Variants in SNX8 observed in about 807,000 individuals in gnomAD.
SNX8 encodes the protein sorting nexin-8.
SNX8 carries 25 observed loss-of-function variants against 51.6 expected under a neutral mutation model. That is an observed-to-expected ratio of 0.48 (90% CI 0.35 to 0.68). SNX8 has a LOEUF of 0.68. Among genes scored for constraint, SNX8 ranks in the 30% least tolerant of loss-of-function variants. The pLI, the probability that SNX8 is intolerant of heterozygous loss-of-function variation, is 0.00. For synonymous variants in SNX8, 324 were observed against 277.0 expected, an observed-to-expected ratio of 1.17 and a Z score of -1.68; for missense variants, 695 against 624.0, an observed-to-expected ratio of 1.11 and a Z score of -1.21.
chr7:2,317,893 C>T (rs1256149481), upstream of SNX8, among the ~76,000 whole-genome samples: 1 of 152,158 alleles, frequency 6.6e-6, no homozygotes, highest in Non-Finnish European at 1.5e-5. Context: ...TTTCCCTAGG[C>T]ACAGTGGGAC....
intron 1 of SNX8, among the ~76,000 whole-genome samples, chr7:2,282,210 A>C (rs1272466632): frequency 6.6e-6 from 1 of 152,140 alleles, no homozygotes; most frequent in African/African-American, 2.4e-5. Context: ...CTACCCACTA[A>C]AACTCAGAAT....
At chr7:2,264,982 C>A (rs1795429626) in intron 5 of SNX8, among the ~76,000 whole-genome samples, 1 of 152,192 alleles carries the variant, frequency 6.6e-6, no homozygotes, top group South Asian at 2.1e-4. Flanking sequence ...TTGCAGTGAG[C>A]TGAGATCGCG....
At chr7:2,308,595 G>C (rs1167752659) in intron 1 of SNX8, among the ~76,000 whole-genome samples, 1 of 145,456 alleles carries the variant, frequency 6.9e-6, no homozygotes, top group African/African-American at 2.5e-5. Flanking sequence ...GAACCTAGGA[G>C]ATGGAGGTTG....
chr7:2,298,882 A>G (rs1023175498), intron 1 of SNX8, among the ~76,000 whole-genome samples: 7 of 143,096 alleles, frequency 4.9e-5, no homozygotes, highest in African/African-American at 1.9e-4. Context: ...TGGTAGAGAC[A>G]GGGTTTCGCC....
chr7:2,268,254 G>C (rs1341666156), intron 5 of SNX8, among the ~76,000 whole-genome samples: 1 of 144,054 alleles, frequency 6.9e-6, no homozygotes, highest in Non-Finnish European at 1.5e-5. Context: ...GAGGTGAGGA[G>C]CGTCTCTGCC....
chr7:2,264,552 A>AGCT (rs1361753625), intron 5 of SNX8, 94 bp from the exon 6 acceptor site: 1 of 1,301,862 alleles, frequency 7.7e-7, no homozygotes, highest in Non-Finnish European at 1.1e-6. Context: ...GAGCCACGGG[A>AGCT]GACACAGCAG....
chr7:2,302,183 G>A (rs1005954225), intron 1 of SNX8, among the ~76,000 whole-genome samples: 14 of 151,388 alleles, frequency 9.2e-5, no homozygotes, highest in Non-Finnish European at 1.3e-4. Flanking sequence ...CTGCCATCTC[G>A]GCTCACTGCA....
At chr7:2,295,592 C>CAAA (rs147853805) in intron 1 of SNX8, among the ~76,000 whole-genome samples, 13 of 93,554 alleles carry the variant, frequency 1.4e-4, no homozygotes, top group African/African-American at 4.3e-4. Flanking sequence ...GTAATCCCAG[C>CAAA]AAAAAAAAAA....
rs1171372675 is a variant in SNX8, at chr7:2,255,104, G to A, written c.1350C>T (p.Thr450=). 6.3e-7 allele frequency: 1 copy of A among 1,580,406 alleles called. No homozygotes were observed. The highest frequency in any genetic ancestry group is 1.7e-4 in the Middle Eastern group (1 of 6,000). Residue 450 remains threonine (T), a synonymous_variant, in exon 11 of 11, where the codon ACC becomes ACT. Coordinates refer to ENST00000222990, the MANE Select transcript of SNX8 (RefSeq NM_013321.4). ...CCGGCGGGGAGCACGGTGGGGTCAGGGTGCTGTGTGGTCCCGCAAAGAGGC... is the reference window on the plus strand; with the variant it reads ...CCGGCGGGGAGCACGGTGGGGTCAGAGTGCTGTGTGGTCCCGCAAAGAGGC... ...LSCLFAGPHS[T]LTPPCSPPED... is the part of the protein sequence containing the mutation.
At chr7:2,263,457 G>T in intron 6 of SNX8, 95 bp from the exon 7 acceptor site, 1 of 1,274,284 alleles carries the variant, frequency 7.8e-7, no homozygotes. Context: ...GTCCTCCACG[G>T]CAACCTGCGT....
At chr7:2,290,328 C>T (rs183274897) in intron 1 of SNX8, among the ~76,000 whole-genome samples, 1 of 152,138 alleles carries the variant, frequency 6.6e-6, no homozygotes, top group East Asian at 1.9e-4. Context: ...CAGTCAGACT[C>T]GGTCTCTACT....
chr7:2,261,574 CCCTGAGGT>C (rs989501949), intron 7 of SNX8, among the ~76,000 whole-genome samples: 2 of 152,210 alleles, frequency 1.3e-5, no homozygotes, highest in Non-Finnish European at 2.9e-5. Flanking sequence ...TAGGGCAGGG[CCCTGAGGT>C]CCTCTGTCTC....
chr7:2,331,700 G>A (rs929273173), intron 1 of SNX8, among the ~76,000 whole-genome samples: 6 of 128,984 alleles, frequency 4.7e-5, no homozygotes, highest in Non-Finnish European at 8.4e-5. Flanking sequence ...GTGACACTCC[G>A]TCTCAAAATA....
intron 3 of SNX8, among the ~76,000 whole-genome samples, chr7:2,273,517 C>T (rs889740600): frequency 1.3e-5 from 2 of 150,334 alleles, no homozygotes; most frequent in Non-Finnish European, 3.0e-5. Flanking sequence ...ACCCGGCAGG[C>T]GGAGCTTGCA....
intron 5 of SNX8, among the ~76,000 whole-genome samples, chr7:2,267,710 C>T (rs59648766): frequency 9.4e-5 from 14 of 149,158 alleles, no homozygotes; most frequent in South Asian, 8.7e-4. Context: ...AGTGCCGAGA[C>T]TGCAGCCTCT....
At position 2,278,133 on chromosome 7, in the gene SNX8, G is replaced by A. The variant is rs759129958; in HGVS notation, c.267C>T (p.Phe89=). The A allele has an allele frequency of 1.2e-6, 2 of 1,614,022 alleles. No homozygotes were observed. Among genetic ancestry groups the A allele is most frequent in the African/African-American group, 1.3e-5 (1 of 74,928 alleles). Residue 89 remains phenylalanine (F), a synonymous_variant, in exon 2 of 11, where the codon TTC becomes TTT. Transcript: ENST00000222990. ...AAACCTCATACTCCACATGCTTCAG[G>A]AAGAGGCCCTTCTTCTCCGGAATGA... ...VELIPEKKGL[F]LKHVEYEVSS...
At position 2,256,966 on chromosome 7, in the gene SNX8, G is replaced by A. The variant is rs1795199642; in HGVS notation, c.1192C>T (p.His398Tyr). ...ACGTGGATGAGCTGCGTCTCCTGGT[G>A]CAGGCAGTACAGGGAGAAGTAGTTC... ...LRNYFSLYCL[H>Y]QETQLIHVYL... The change falls in exon 10 of 11, where the codon CAC (histidine) becomes TAC (tyrosine). Residue 398 changes from histidine (H) to tyrosine (Y), a missense_variant. Physicochemically the swap from His to Tyr is moderately conservative, Grantham distance 83. Coordinates refer to ENST00000222990, the MANE Select transcript of SNX8 (RefSeq NM_013321.4). The A allele has an allele frequency of 6.2e-7, 1 of 1,613,644 alleles. No homozygotes were observed. Among genetic ancestry groups the A allele is most frequent in the Non-Finnish European group, 8.5e-7 (1 of 1,179,844 alleles).
At chr7:2,328,955 G>A (rs557794963) in intron 1 of SNX8, among the ~76,000 whole-genome samples, 3 of 152,028 alleles carry the variant, frequency 2.0e-5, no homozygotes, top group Non-Finnish European at 2.9e-5. Context: ...GCGTGTTGGC[G>A]GGTGCCTGTA....
chr7:2,304,033 G>A (rs1349592388), intron 1 of SNX8, among the ~76,000 whole-genome samples: 3 of 151,376 alleles, frequency 2.0e-5, no homozygotes, highest in South Asian at 2.1e-4. Flanking sequence ...CAGGCGTGGT[G>A]GCGGGCGCCT....
Sources: gnomAD v4.1 joint callset for allele counts (sites outside exome capture counted in the v4.1 genomes callset) on GRCh38, gnomAD v4.1.1 for gene constraint, MANE v1.5 for transcripts, NCBI Gene and HGNC (gene_info 2026-07-23, HGNC 2026-07-21) for gene names.